SCHIP1: variants seen among roughly 807,000 people sequenced by gnomAD.
SCHIP1 encodes schwannomin interacting protein 1.
SCHIP1 carries 8 observed loss-of-function variants against 29.7 expected under a neutral mutation model. The ratio of observed to expected loss-of-function variants is 0.27; its 90% CI spans 0.16 to 0.49. SCHIP1 has a LOEUF of 0.49. Ranked by LOEUF, SCHIP1 falls within the 20% of genes least tolerant of loss-of-function variation. The pLI is 0.99. For missense variants in SCHIP1, 193 were observed against 294.6 expected, an observed-to-expected ratio of 0.66 and a Z score of 2.52; for synonymous variants, 76 against 94.9, an observed-to-expected ratio of 0.80 and a Z score of 1.16.
chr3:159,290,579 G>T, the SCHIP1 span, among the ~76,000 whole-genome samples: 2 of 151,966 alleles, frequency 1.3e-5, no homozygotes, highest in African/African-American at 4.8e-5. Flanking sequence ...GAAAACAAAT[G>T]AATCTAATTG....
Position 159,864,512 on chromosome 3 carries a change from CACAT to C in SCHIP1, c.31-1649_31-1646del, listed in dbSNP as rs1329319272. ...ACACACACACACACACACACACACA[CACAT>C]ATGCTAGCTCCTAGTATGATGCAGT... On this transcript the variant is annotated intron_variant, in intron 1 of 6. Transcript: ENST00000445224. 8.7e-4 allele frequency among the ~76,000 whole-genome samples: 127 copies of C among 146,290 alleles called. 1 individual carries two copies. The highest frequency in any genetic ancestry group is 3.1e-3 in the African/African-American group (120 of 39,240).
chr3:159,702,431 A>G, the SCHIP1 span, among the ~76,000 whole-genome samples: 4 of 152,232 alleles, frequency 2.6e-5, no homozygotes, highest in Non-Finnish European at 4.4e-5. Flanking sequence ...CCAAGAAACT[A>G]TTAATCGCAA....
chr3:159,889,649 T>G (rs932184186), intron 5 of SCHIP1, among the ~76,000 whole-genome samples: 3 of 152,100 alleles, frequency 2.0e-5, no homozygotes, highest in Non-Finnish European at 4.4e-5. Context: ...TAAAAGAAAT[T>G]CAAGAGATAT....
At chr3:159,709,218 G>T in the SCHIP1 span, among the ~76,000 whole-genome samples, 1 of 152,088 alleles carries the variant, frequency 6.6e-6, no homozygotes, top group African/African-American at 2.4e-5. Flanking sequence ...AGGGGGTGGG[G>T]TTGGTGGGGA....
At chr3:159,893,608 T>C (rs938523895) in intron 6 of SCHIP1, 29 of 152,270 alleles carry the variant, frequency 1.9e-4, no homozygotes, top group African/African-American at 7.0e-4. Flanking sequence ...ATTTCTTTTT[T>C]GGCAAGAAGA....
chr3:159,508,615 A>G, the SCHIP1 span, among the ~76,000 whole-genome samples: 19 of 152,074 alleles, frequency 1.2e-4, no homozygotes, highest in African/African-American at 4.1e-4. Flanking sequence ...AGTGCTGTAA[A>G]TTTCCCGCTA....
chr3:159,635,432 A>T, the SCHIP1 span, among the ~76,000 whole-genome samples: 1 of 152,130 alleles, frequency 6.6e-6, no homozygotes, highest in Non-Finnish European at 1.5e-5. Flanking sequence ...TAGTGTTTTG[A>T]CCACCCATAG....
chr3:159,843,299 G>A (rs183940281), intron 1 of SCHIP1, among the ~76,000 whole-genome samples: 68 of 151,570 alleles, frequency 4.5e-4, no homozygotes, highest in African/African-American at 1.6e-3. Context: ...AGGCATGAGC[G>A]CGGCCTATCC....
chr3:159,683,347 G>A, the SCHIP1 span, among the ~76,000 whole-genome samples: 200 of 152,126 alleles, frequency 1.3e-3, 1 homozygote, highest in African/African-American at 4.7e-3. Flanking sequence ...CACTGTTCCC[G>A]GCCCAGGAAT....
chr3:159,842,099 T>C (rs1744278788), intron 1 of SCHIP1, among the ~76,000 whole-genome samples: 1 of 152,228 alleles, frequency 6.6e-6, no homozygotes, highest in South Asian at 2.1e-4. Context: ...ACTGATGATA[T>C]CTGCAGTTGA....
At chr3:159,757,613 T>C in the SCHIP1 span, among the ~76,000 whole-genome samples, 11 of 152,204 alleles carry the variant, frequency 7.2e-5, no homozygotes, top group African/African-American at 2.7e-4. Context: ...GCCTGGCCCC[T>C]GGAGGCACCT....
At chr3:159,497,257 A>T in the SCHIP1 span, among the ~76,000 whole-genome samples, 1 of 152,056 alleles carries the variant, frequency 6.6e-6, no homozygotes, top group Non-Finnish European at 1.5e-5. Context: ...ATAATAAAAA[A>T]AAAAGACTGA....
At chr3:159,810,127 C>T in the SCHIP1 span, among the ~76,000 whole-genome samples, 24,717 of 152,240 alleles carry the variant, frequency 0.16, 2,096 homozygotes, top group African/African-American at 0.22. Context: ...CTCACTGCAA[C>T]CTCCGCCTCC....
At chr3:159,551,752 T>A in the SCHIP1 span, among the ~76,000 whole-genome samples, 1 of 152,150 alleles carries the variant, frequency 6.6e-6, no homozygotes, top group African/African-American at 2.4e-5. Context: ...AAAAAAGATT[T>A]AGCAAATTTG....
At chr3:159,539,243 T>TAGAGA in the SCHIP1 span, among the ~76,000 whole-genome samples, 11 of 83,422 alleles carry the variant, frequency 1.3e-4, no homozygotes, top group East Asian at 5.5e-4. Context: ...GGATCAATTT[T>TAGAGA]CAAAGAACTT....
the SCHIP1 span, among the ~76,000 whole-genome samples, chr3:159,307,396 G>C: frequency 6.6e-6 from 1 of 152,172 alleles, no homozygotes; most frequent in Admixed American, 6.5e-5. Flanking sequence ...GAGCAACTAT[G>C]GACAGTGCCT....
At chr3:159,840,003 C>CT in exon 1 of SCHIP1, 1 of 1,433,102 alleles carries the variant, frequency 7.0e-7, no homozygotes, top group Non-Finnish European at 9.1e-7. Context: ...TAGCTGCGCG[C>CT]TTCCCGGCAC....
chr3:159,544,269 G>A, the SCHIP1 span, among the ~76,000 whole-genome samples: 1 of 151,872 alleles, frequency 6.6e-6, no homozygotes, highest in African/African-American at 2.4e-5. Context: ...AAATTTTTAT[G>A]TTAAATTTCA....
At chr3:159,454,256 C>A in the SCHIP1 span, among the ~76,000 whole-genome samples, 6 of 152,134 alleles carry the variant, frequency 3.9e-5, no homozygotes, top group African/African-American at 1.2e-4. Flanking sequence ...TTCAAAACTA[C>A]TCCTATGATT....
Sources: gnomAD v4.1 joint callset for allele counts (sites outside exome capture counted in the v4.1 genomes callset) on GRCh38, gnomAD v4.1.1 for gene constraint, MANE v1.5 for transcripts, NCBI Gene and HGNC (gene_info 2026-07-23, HGNC 2026-07-21) for gene names.